RPS6KC1: variants seen among roughly 807,000 people sequenced by gnomAD.
The protein encoded by RPS6KC1 is ribosomal protein S6 kinase C1, also known as inactive ribosomal protein S6 kinase delta-1.
In RPS6KC1, 54 loss-of-function variants were observed where a neutral mutation model predicts 103.8. The ratio of observed to expected loss-of-function variants is 0.52; its 90% CI spans 0.42 to 0.65. The LOEUF is 0.65. Ranked by LOEUF, RPS6KC1 falls within the 30% of genes least tolerant of loss-of-function variation. The pLI is 0.00. For synonymous variants in RPS6KC1, 439 were observed against 438.7 expected (o/e 1.00, Z -0.01); for missense variants, 1,151 against 1,253.8 (o/e 0.92, Z 1.24).
chr1:213,322,010 A>C, the RPS6KC1 span, among the ~76,000 whole-genome samples: 1 of 152,164 alleles, frequency 6.6e-6, no homozygotes. Flanking sequence ...GGAGCCTCAG[A>C]AGTTGTGAGG....
At chr1:213,703,446 T>G in the RPS6KC1 span, among the ~76,000 whole-genome samples, 7,659 of 152,236 alleles carry the variant, frequency 0.05, 651 homozygotes, top group African/African-American at 0.17. Flanking sequence ...CAATGAGTTC[T>G]GTACCTCCAA....
At chr1:213,098,193 G>T (rs1449447767) in intron 3 of RPS6KC1, among the ~76,000 whole-genome samples, 1 of 152,010 alleles carries the variant, frequency 6.6e-6, no homozygotes, top group Non-Finnish European at 1.5e-5. Flanking sequence ...ATGGCTCACT[G>T]CAGTCTTGAA....
the RPS6KC1 span, among the ~76,000 whole-genome samples, chr1:213,359,963 G>A: frequency 3.3e-5 from 5 of 152,150 alleles, no homozygotes; most frequent in Non-Finnish European, 7.3e-5. Flanking sequence ...TGGGTAACCC[G>A]ACCTTTCTCT....
chr1:213,716,745 A>G, the RPS6KC1 span, among the ~76,000 whole-genome samples: 1 of 152,150 alleles, frequency 6.6e-6, no homozygotes, highest in Non-Finnish European at 1.5e-5. Context: ...ACTTGGGAGC[A>G]GTGACTATGT....
At chr1:213,503,805 C>T in the RPS6KC1 span, among the ~76,000 whole-genome samples, 4 of 152,120 alleles carry the variant, frequency 2.6e-5, no homozygotes, top group Admixed American at 6.5e-5. Context: ...GGTGCCAGTA[C>T]AAGTGTGAGC....
downstream of RPS6KC1, among the ~76,000 whole-genome samples, chr1:213,276,869 G>C (rs1268843725): frequency 1.3e-5 from 2 of 152,182 alleles, no homozygotes; most frequent in African/African-American, 4.8e-5. Flanking sequence ...CCACACCTAC[G>C]TTTGCCTGTT....
At chr1:213,340,816 G>C in the RPS6KC1 span, among the ~76,000 whole-genome samples, 5 of 150,408 alleles carry the variant, frequency 3.3e-5, no homozygotes, top group African/African-American at 1.3e-4. Flanking sequence ...ATGGACAGAA[G>C]TGTGAGATGT....
At chr1:213,816,093 T>A in the RPS6KC1 span, among the ~76,000 whole-genome samples, 14 of 152,172 alleles carry the variant, frequency 9.2e-5, no homozygotes, top group African/African-American at 2.7e-4. Context: ...ATGTTCGCTG[T>A]CTTACATGGG....
At chr1:213,784,880 T>A in the RPS6KC1 span, among the ~76,000 whole-genome samples, 1 of 152,198 alleles carries the variant, frequency 6.6e-6, no homozygotes, top group African/African-American at 2.4e-5. Context: ...ATGAGTTTCC[T>A]ACATCCTCCT....
chr1:213,290,751 A>C, the RPS6KC1 span, among the ~76,000 whole-genome samples: 22 of 152,308 alleles, frequency 1.4e-4, no homozygotes, highest in East Asian at 4.2e-3. Context: ...CTAGTCAAGA[A>C]ACAGGAAAAC....
chr1:213,818,641 T>C, the RPS6KC1 span: 2 of 152,196 alleles, frequency 1.3e-5, no homozygotes, highest in East Asian at 1.9e-4. Context: ...TTCTGGCACA[T>C]AGAGAACATT....
At chr1:213,728,164 A>T in the RPS6KC1 span, among the ~76,000 whole-genome samples, 1 of 152,132 alleles carries the variant, frequency 6.6e-6, no homozygotes, top group Non-Finnish European at 1.5e-5. Flanking sequence ...AGGAGGGGGA[A>T]AAATAATGGG....
chr1:213,393,974 A>G, the RPS6KC1 span, among the ~76,000 whole-genome samples: 1 of 152,166 alleles, frequency 6.6e-6, no homozygotes, highest in African/African-American at 2.4e-5. Context: ...TTAGAGCACC[A>G]GCGCAGGGAT....
rs201198640 is a variant in RPS6KC1 at position 213,232,306 on chromosome 1, G to C, written c.1225+51G>C. The C allele has an allele frequency of 1.1e-5, 17 of 1,608,442 alleles. No individual in the cohort carries two copies. The Middle Eastern group carries it at 5.0e-4, about 47-fold the overall frequency. ...TGCAGTGAAGAATGTCACCTACTTA[G>C]CTTCCAGTTTCTCTCTGTCATTTCA... is the stretch of plus-strand genomic sequence containing the variant. On this transcript the variant is annotated intron_variant, in intron 10 of 14. Transcript: ENST00000366960.
At chr1:213,578,420 T>A in the RPS6KC1 span, among the ~76,000 whole-genome samples, 1 of 152,174 alleles carries the variant, frequency 6.6e-6, no homozygotes, top group Non-Finnish European at 1.5e-5. Flanking sequence ...GCCACCGTCC[T>A]CCAAACCCCA....
At chr1:213,235,996 T>C (rs1344627691) in intron 10 of RPS6KC1, among the ~76,000 whole-genome samples, 1 of 152,088 alleles carries the variant, frequency 6.6e-6, no homozygotes, top group Non-Finnish European at 1.5e-5. Context: ...TGGAGGTGAG[T>C]GGCGGACAAG....
At chr1:213,469,369 T>C in the RPS6KC1 span, among the ~76,000 whole-genome samples, 1 of 152,224 alleles carries the variant, frequency 6.6e-6, no homozygotes, top group Non-Finnish European at 1.5e-5. Context: ...AATTGTATTC[T>C]TTGATTATAG....
chr1:213,641,829 A>AAAATAAATAAATAAAT, the RPS6KC1 span, among the ~76,000 whole-genome samples: 2,755 of 116,280 alleles, frequency 0.024, 50 homozygotes, highest in Middle Eastern at 0.059. Flanking sequence ...ACCCCCTGCA[A>AAAATAAATAAATAAAT]AAATAAATAA....
chr1:213,646,584 C>T, the RPS6KC1 span, among the ~76,000 whole-genome samples: 1 of 152,134 alleles, frequency 6.6e-6, no homozygotes, highest in Non-Finnish European at 1.5e-5. Flanking sequence ...TTGCACTCTA[C>T]ACTTGGGACC....
Sources: allele counts gnomAD v4.1 joint callset (sites outside exome capture counted in the v4.1 genomes callset), GRCh38; gene constraint gnomAD v4.1.1; transcripts MANE v1.5; gene names NCBI Gene and HGNC (gene_info 2026-07-23, HGNC 2026-07-21).